Variants in CHRDL1 observed in about 807,000 individuals in gnomAD.
The protein encoded by CHRDL1 is chordin-like protein 1.
Under a neutral mutation model 40.9 loss-of-function variants are expected in CHRDL1, and 19 were observed. That is an observed-to-expected ratio of 0.46 (90% CI 0.32 to 0.68). The LOEUF (loss-of-function observed/expected upper bound fraction) is 0.68, where lower values mean the gene tolerates loss of function less well. CHRDL1 is among the 30% of genes least tolerant of loss of function. CHRDL1 has a pLI of 0.03. For missense variants in CHRDL1, 329 were observed against 352.1 expected, an observed-to-expected ratio of 0.93 and a Z score of 0.53; for synonymous variants, 136 against 123.4, an observed-to-expected ratio of 1.10 and a Z score of -0.68.
chrX:110,693,466 C>A (rs1290990444), intron 8 of CHRDL1, among the ~76,000 whole-genome samples: 1 of 111,543 alleles, frequency 9.0e-6, no homozygotes, highest in Non-Finnish European at 1.9e-5. Flanking sequence ...ATCCTCCTGT[C>A]TTAGCCTCCC....
Position 110,770,608 on chromosome X carries a change from A to G in CHRDL1, c.95-7801T>C, listed in dbSNP as rs189165609. ...AGATCAAAACTGGATCTTTAGGAAG[A>G]TCAATAAAATTGATAAACCCCTATA... is the stretch of plus-strand genomic sequence containing the variant. On this transcript the variant is annotated intron_variant, in intron 2 of 11. Coordinates refer to ENST00000372042, the MANE Select transcript of CHRDL1 (RefSeq NM_001143981.2). 6.1e-3 allele frequency among the ~76,000 whole-genome samples: 681 copies of G among 111,589 alleles called. 6 individuals are homozygous for G. The highest frequency in any genetic ancestry group is 0.021 in the African/African-American group (658 of 30,748).
Position 110,694,227 on chromosome X carries a change from A to G in CHRDL1, c.714T>C (p.Asp238=). The G allele has an allele frequency of 8.3e-7, 1 of 1,209,461 alleles. No individual in the cohort carries two copies. The highest frequency in any genetic ancestry group is 1.1e-6 in the Non-Finnish European group (1 of 893,435). The change falls in exon 8 of 12, where the codon GAT becomes GAC. Residue 238 remains aspartate, a synonymous_variant. Transcript: ENST00000372042. ...CAATGGTTCCTGATGCTTGCTGGGA[A>G]TCCATAAGAGCTCCCCGGTGACTTC... is the stretch of plus-strand genomic sequence containing the variant. ...GARSHRGALM[D]SQQASGTIVQ... is the part of the protein sequence containing the mutation.
At chrX:110,719,690 C>A in intron 6 of CHRDL1, 145 bp downstream of exon 6, 1 of 300,748 alleles carries the variant, frequency 3.3e-6, no homozygotes. Context: ...TTTATTTTTC[C>A]CTTTGTTAAT....
intron 2 of CHRDL1, among the ~76,000 whole-genome samples, chrX:110,766,560 AC>A (rs758741861): frequency 6.3e-5 from 7 of 111,749 alleles, no homozygotes; most frequent in Non-Finnish European, 1.1e-4. Context: ...TACTATGAAC[AC>A]CTTTACACAC....
At chrX:110,685,566 G>A (rs1014973146) in intron 9 of CHRDL1, among the ~76,000 whole-genome samples, 1 of 111,830 alleles carries the variant, frequency 8.9e-6, no homozygotes, top group African/African-American at 3.3e-5. Flanking sequence ...CCTGGTCAAC[G>A]CTTTCTTTTT....
At chrX:110,762,519 C>G (rs978917942) in intron 3 of CHRDL1, among the ~76,000 whole-genome samples, 176 bp downstream of exon 3, 2 of 111,786 alleles carry the variant, frequency 1.8e-5, no homozygotes, top group Non-Finnish European at 3.8e-5. Context: ...TGAAGTGATC[C>G]ACATGCCTCA....
At chrX:110,764,254 AGCT>A (rs1436702131) in intron 2 of CHRDL1, among the ~76,000 whole-genome samples, 7 of 111,902 alleles carry the variant, frequency 6.3e-5, no homozygotes, top group African/African-American at 2.3e-4. Context: ...ATTAGGTCAC[AGCT>A]ATTTATCTTT....
At chrX:110,755,186 T>C (rs1434217892) in intron 4 of CHRDL1, among the ~76,000 whole-genome samples, 1 of 111,175 alleles carries the variant, frequency 9.0e-6, no homozygotes, top group Non-Finnish European at 1.9e-5. Flanking sequence ...AGTCTTGACT[T>C]TTCCATTAAG....
chrX:110,748,969 T>C (rs1328700912), intron 4 of CHRDL1, among the ~76,000 whole-genome samples: 1 of 110,872 alleles, frequency 9.0e-6, no homozygotes, highest in Non-Finnish European at 1.9e-5. Context: ...TTTTATGTTA[T>C]GGATTTTTAG....
rs142145004 is a variant in CHRDL1 at position 110,736,614 on chromosome X, G to A, written c.302-15084C>T. 3.1e-3 allele frequency among the ~76,000 whole-genome samples: 350 copies of A among 111,645 alleles called. 2 individuals carry two copies. The highest frequency in any genetic ancestry group is 0.011 in the African/African-American group (330 of 30,711). ...CCAATAACCCTCAAAAGAGGAACAA[G>A]GAGACCATGGTGTCTGGTGGGAGTG... On this transcript the variant is annotated intron_variant, in intron 4 of 11. Transcript: ENST00000372042.
intron 2 of CHRDL1, among the ~76,000 whole-genome samples, chrX:110,763,176 C>A (rs1429183457): frequency 1.8e-5 from 2 of 110,731 alleles, no homozygotes; most frequent in Non-Finnish European, 3.8e-5. Flanking sequence ...TATTTGGTTA[C>A]ATGAGTAAGT....
At chrX:110,677,084 C>G (rs1262542676) in intron 11 of CHRDL1, among the ~76,000 whole-genome samples, 1 of 110,877 alleles carries the variant, frequency 9.0e-6, no homozygotes, top group African/African-American at 3.3e-5. Flanking sequence ...TTCCTGTGCT[C>G]ATGGTACTGC....
intron 4 of CHRDL1, among the ~76,000 whole-genome samples, chrX:110,744,985 AC>A (rs1401319876): frequency 3.6e-5 from 4 of 109,667 alleles, no homozygotes; most frequent in African/African-American, 1.3e-4. Flanking sequence ...ACACACACAC[AC>A]ACACACACAT....
At chrX:110,762,430 C>A (rs1234907242) in intron 3 of CHRDL1, among the ~76,000 whole-genome samples, 1 of 111,357 alleles carries the variant, frequency 9.0e-6, no homozygotes, top group Non-Finnish European at 1.9e-5. Flanking sequence ...GCATGTGCCA[C>A]CATGCCCAGC....
In CHRDL1 at chrX:110,690,252, G is replaced by A. The variant is rs774665632; in HGVS notation, c.779-1449C>T. Among the ~76,000 whole-genome samples the A allele has an allele frequency of 6.8e-3, 714 of 104,585 alleles. 4 individuals are homozygous for A. Among genetic ancestry groups the A allele is most frequent in the Non-Finnish European group, 0.01 (533 of 51,720 alleles). 90.8% of individuals were successfully genotyped at this position (104,585 alleles called of 115,157 possible). A position where few individuals can be genotyped will look rare whatever the true frequency, so the allele number is the denominator to read the frequency against. Reference sequence around the variant, plus strand: ...TTTAGTAGAGACGGGGTTTCACTGTGTTAGCCAGGATGGTCTCGATCTCCT... The same window carrying A: ...TTTAGTAGAGACGGGGTTTCACTGTATTAGCCAGGATGGTCTCGATCTCCT... On this transcript the variant is annotated intron_variant, in intron 8 of 11. Coordinates refer to ENST00000372042, the MANE Select transcript of CHRDL1 (RefSeq NM_001143981.2).
chrX:110,721,358 C>T, intron 5 of CHRDL1, 27 bp downstream of exon 5: 6 of 1,199,865 alleles, frequency 5.0e-6, no homozygotes, highest in African/African-American at 1.7e-5. Flanking sequence ...TAGGGCCTAG[C>T]AGGAATGTTA....
intron 4 of CHRDL1, among the ~76,000 whole-genome samples, chrX:110,724,385 C>T (rs2071018937): frequency 9.0e-6 from 1 of 111,134 alleles, no homozygotes; most frequent in Non-Finnish European, 1.9e-5. Flanking sequence ...TATTATTCTA[C>T]TCAACAGGAG....
chrX:110,691,698 T>C (rs1467124456), intron 8 of CHRDL1, among the ~76,000 whole-genome samples: 1 of 111,707 alleles, frequency 9.0e-6, no homozygotes, highest in African/African-American at 3.3e-5. Flanking sequence ...CATTAAGAAA[T>C]AAGAATAATG....
intron 4 of CHRDL1, among the ~76,000 whole-genome samples, chrX:110,742,323 T>G (rs2071376363): frequency 8.9e-6 from 1 of 112,182 alleles, no homozygotes; most frequent in Non-Finnish European, 1.9e-5. Context: ...TTTATCAGCC[T>G]GCCAGGCTGT....
Sources: allele counts gnomAD v4.1 joint callset (sites outside exome capture counted in the v4.1 genomes callset), GRCh38; gene constraint gnomAD v4.1.1; transcripts MANE v1.5; gene names NCBI Gene and HGNC (gene_info 2026-07-23, HGNC 2026-07-21).